SUPT3H: variants seen among roughly 807,000 people sequenced by gnomAD.
The protein encoded by SUPT3H is SPT3 homolog, SAGA and STAGA complex component, also known as transcription initiation protein SPT3 homolog.
Under a neutral mutation model 44.3 loss-of-function variants are expected in SUPT3H, and 44 were observed. The ratio of observed to expected loss-of-function variants is 0.99; its 90% CI spans 0.78 to 1.28. The LOEUF is 1.28. Ranked by LOEUF, SUPT3H falls within the 50% of genes most tolerant of loss-of-function variation. The pLI is 0.00. For missense variants in SUPT3H, 380 were observed against 387.1 expected (o/e 0.98, Z 0.15); for synonymous variants, 124 against 125.6 (o/e 0.99, Z 0.09).
chr6:45,294,763 A>AAAAAAAAG (rs1780876159), intron 2 of SUPT3H, among the ~76,000 whole-genome samples: 1 of 94,840 alleles, frequency 1.1e-5, no homozygotes, highest in African/African-American at 3.8e-5. Context: ...AAAAAAAAAA[A>AAAAAAAAG]CAACTTAGGA....
intron 2 of SUPT3H, among the ~76,000 whole-genome samples, chr6:45,249,938 C>T (rs578161763): frequency 6.6e-6 from 1 of 152,238 alleles, no homozygotes; most frequent in Non-Finnish European, 1.5e-5. Flanking sequence ...AAAGTATTTA[C>T]AACCAGGCTT....
chr6:45,052,928 TG>T (rs1790525546), intron 3 of SUPT3H, among the ~76,000 whole-genome samples: 1 of 149,632 alleles, frequency 6.7e-6, no homozygotes, highest in Non-Finnish European at 1.5e-5. Context: ...GATATGAGAG[TG>T]AATAGAGTGA....
intron 6 of SUPT3H, among the ~76,000 whole-genome samples, chr6:44,990,297 T>C (rs1780435698): frequency 6.6e-6 from 1 of 152,056 alleles, no homozygotes; most frequent in South Asian, 2.1e-4. Flanking sequence ...ACCACATGCG[T>C]GTAGGTTTAT....
intron 3 of SUPT3H, among the ~76,000 whole-genome samples, chr6:45,041,476 G>A (rs1012730634): frequency 3.3e-5 from 5 of 152,082 alleles, no homozygotes; most frequent in Non-Finnish European, 5.9e-5. Context: ...AGATGACAAT[G>A]GTGAAAGAGA....
At chr6:45,330,282 A>G (rs979264207) in intron 2 of SUPT3H, among the ~76,000 whole-genome samples, 2 of 151,974 alleles carry the variant, frequency 1.3e-5, no homozygotes, top group Non-Finnish European at 2.9e-5. Context: ...GGACATAAAC[A>G]CAGCTAGACT....
intron 10 of SUPT3H, among the ~76,000 whole-genome samples, chr6:44,919,581 T>G (rs1380811190): frequency 6.6e-6 from 1 of 152,120 alleles, no homozygotes; most frequent in African/African-American, 2.4e-5. Context: ...AGTTCTTCAT[T>G]AAGTATATGA....
At position 45,302,467 on chromosome 6, in the gene SUPT3H, C is replaced by CATAT. The variant is rs57394324; in HGVS notation, c.101+62730_101+62733dup. 1.9e-3 allele frequency among the ~76,000 whole-genome samples: 251 copies of CATAT among 131,206 alleles called. 2 individuals carry two copies. The highest frequency in any genetic ancestry group is 4.0e-3 in the Middle Eastern group (1 of 252). 86.1% of individuals were successfully genotyped at this position (131,206 alleles called of 152,430 possible). A position where few individuals can be genotyped will look rare whatever the true frequency, so the allele number is the denominator to read the frequency against. ...ATGGCTGAGTAGTATTCCATATATA[C>CATAT]ATATATATATATATGGAATATATAA... On this transcript the variant is annotated intron_variant, in intron 2 of 10. Transcript: ENST00000371459.
Position 45,192,019 on chromosome 6 carries a change from C to T in SUPT3H, c.102-86013G>A, listed in dbSNP as rs78250671. Among the ~76,000 whole-genome samples, 388 of 152,196 alleles carry T rather than the reference C, an allele frequency of 2.5e-3. 2 individuals carry two copies. The highest frequency in any genetic ancestry group is 8.5e-3 in the African/African-American group (354 of 41,534). On this transcript the variant is annotated intron_variant, in intron 2 of 10. Coordinates refer to ENST00000371459, the MANE Select transcript of SUPT3H (RefSeq NM_003599.4). ...CTTACTTTACTGAGTAAACTGATGT[C>T]AGAGAAACTGCTATGTCGAAAAGGG...
intron 2 of SUPT3H, among the ~76,000 whole-genome samples, chr6:45,270,087 T>C (rs934079875): frequency 2.0e-5 from 3 of 152,154 alleles, no homozygotes; most frequent in Admixed American, 1.3e-4. Context: ...TAAGTTCATA[T>C]GAAGGGACTT....
At chr6:45,053,126 C>T (rs532903572) in intron 3 of SUPT3H, among the ~76,000 whole-genome samples, 112 of 152,106 alleles carry the variant, frequency 7.4e-4, no homozygotes, top group Admixed American at 1.6e-3. Context: ...CCACAAACAC[C>T]TGAGCTCAAG....
intron 2 of SUPT3H, among the ~76,000 whole-genome samples, chr6:45,235,226 C>T (rs1229719159): frequency 6.6e-6 from 1 of 151,988 alleles, no homozygotes; most frequent in Non-Finnish European, 1.5e-5. Flanking sequence ...TATTATAAGG[C>T]CACATTTTAA....
chr6:45,044,807 T>C (rs1297075429), intron 3 of SUPT3H, among the ~76,000 whole-genome samples: 1 of 152,110 alleles, frequency 6.6e-6, no homozygotes, highest in Non-Finnish European at 1.5e-5. Context: ...ATGGGATCTC[T>C]TCCAGTTTTA....
intron 2 of SUPT3H, among the ~76,000 whole-genome samples, chr6:45,144,582 G>T (rs79834335): frequency 1.3e-5 from 2 of 151,934 alleles, no homozygotes; most frequent in African/African-American, 2.4e-5. Context: ...GAATTATCCC[G>T]AGAAATGGAA....
intron 2 of SUPT3H, among the ~76,000 whole-genome samples, chr6:45,144,763 A>T (rs188185382): frequency 1.6e-4 from 24 of 152,036 alleles, no homozygotes; most frequent in Non-Finnish European, 2.8e-4. Context: ...AACCCTAAAG[A>T]CTCATCCAAA....
rs186260206 is a variant in SUPT3H, at chr6:45,088,747, T to C, written c.186+17175A>G. Among the ~76,000 whole-genome samples, 5 of 152,100 alleles carry C rather than the reference T, an allele frequency of 3.3e-5. No homozygotes were observed. The South Asian group carries it at 6.2e-4, about 19-fold the overall frequency. On this transcript the variant is annotated intron_variant, in intron 3 of 10. Transcript: ENST00000371459. ...TGAGAATATACCAAGTTAGTACATA[T>C]AAATGTACTAACAACTCAGTATTTC...
chr6:44,866,749 C>T (rs1035273566), intron 10 of SUPT3H, among the ~76,000 whole-genome samples: 1 of 152,200 alleles, frequency 6.6e-6, no homozygotes, highest in African/African-American at 2.4e-5. Context: ...TATTTATTAT[C>T]CCCCACAGCC....
intron 2 of SUPT3H, among the ~76,000 whole-genome samples, chr6:45,211,851 TAA>T (rs200790429): frequency 1.6e-4 from 21 of 131,940 alleles, no homozygotes; most frequent in East Asian, 4.3e-4. Context: ...CCGTCTCAAC[TAA>T]AAAAAAAAAA....
intron 1 of SUPT3H, among the ~76,000 whole-genome samples, chr6:45,371,117 ACTC>A (rs1372720006): frequency 6.6e-6 from 1 of 152,164 alleles, no homozygotes; most frequent in African/African-American, 2.4e-5. Context: ...CAGCAATTAT[ACTC>A]CTAACAGTAA....
chr6:45,130,712 C>CTTTTTTTT, intron 2 of SUPT3H, among the ~76,000 whole-genome samples: 1 of 88,602 alleles, frequency 1.1e-5, no homozygotes, highest in Non-Finnish European at 2.2e-5. Context: ...AAAAAAACCA[C>CTTTTTTTT]TTTTTTTTTT....
Sources: gnomAD v4.1 joint callset for allele counts (sites outside exome capture counted in the v4.1 genomes callset) on GRCh38, gnomAD v4.1.1 for gene constraint, MANE v1.5 for transcripts, NCBI Gene and HGNC (gene_info 2026-07-23, HGNC 2026-07-21) for gene names.